Variants in STAM2 observed in about 807,000 individuals in gnomAD.
The protein encoded by STAM2 is signal transducing adaptor molecule 2.
In STAM2, 51 loss-of-function variants were observed where a neutral mutation model predicts 65.6. The observed-to-expected ratio is 0.78, with a 90% CI of 0.62 to 0.98. STAM2 has a LOEUF of 0.98. STAM2 is among the 50% of genes least tolerant of loss of function. The pLI is 0.00. For synonymous variants in STAM2, 198 were observed against 208.4 expected, an observed-to-expected ratio of 0.95 and a Z score of 0.43; for missense variants, 584 against 617.8, an observed-to-expected ratio of 0.95 and a Z score of 0.58.
At chr2:152,159,093 C>CCA (rs1689607953) in intron 1 of STAM2, among the ~76,000 whole-genome samples, 1 of 59,698 alleles carries the variant, frequency 1.7e-5, no homozygotes, top group African/African-American at 1.2e-4. Flanking sequence ...CAAAAAAAAA[C>CCA]CATATATATA....
At chr2:152,161,885 C>T (rs1420128093) in intron 1 of STAM2, among the ~76,000 whole-genome samples, 2 of 151,860 alleles carry the variant, frequency 1.3e-5, no homozygotes, top group Non-Finnish European at 1.5e-5. Context: ...TGAAATGGCA[C>T]GATCTTGGCT....
chr2:152,174,579 T>G (rs1689974343), intron 1 of STAM2, among the ~76,000 whole-genome samples: 1 of 152,244 alleles, frequency 6.6e-6, no homozygotes, highest in South Asian at 2.1e-4. Context: ...AACCAAATGT[T>G]AACTATGAAA....
At chr2:152,160,862 C>T (rs1309936580) in intron 1 of STAM2, among the ~76,000 whole-genome samples, 1 of 147,346 alleles carries the variant, frequency 6.8e-6, no homozygotes, top group Non-Finnish European at 1.5e-5. Flanking sequence ...CCGCCCCGTC[C>T]GGGAGGGAGG....
intron 10 of STAM2, among the ~76,000 whole-genome samples, chr2:152,132,808 T>A (rs951158668): frequency 6.6e-6 from 1 of 152,158 alleles, no homozygotes; most frequent in African/African-American, 2.4e-5. Context: ...TTAACAATTA[T>A]CATGTATAAT....
intron 1 of STAM2, among the ~76,000 whole-genome samples, chr2:152,154,583 A>G (rs905588291): frequency 6.6e-6 from 1 of 152,142 alleles, no homozygotes; most frequent in Non-Finnish European, 1.5e-5. Context: ...GCACCACTGC[A>G]CTCCAACGTG....
At chr2:152,171,575 G>T (rs1689899428) in intron 1 of STAM2, among the ~76,000 whole-genome samples, 1 of 152,208 alleles carries the variant, frequency 6.6e-6, no homozygotes, top group Non-Finnish European at 1.5e-5. Flanking sequence ...CTGGAGAAAA[G>T]GACTGCATGA....
Position 152,150,519 on chromosome 2 carries a change from C to T in STAM2, c.41-290G>A, listed in dbSNP as rs79442885. Among the ~76,000 whole-genome samples, 1,265 of 152,290 alleles carry T rather than the reference C, an allele frequency of 8.3e-3. 25 individuals carry two copies. Among genetic ancestry groups the T allele is most frequent in the African/African-American group, 0.029 (1,207 of 41,560 alleles). The stretch of plus-strand genomic sequence containing the variant: ...AAGAAAGTTTTAAAGATGTATAATC[C>T]AGGCCGGGCATGGTGGCTCATGCCT... On this transcript the variant is annotated intron_variant, in intron 1 of 13. Transcript: ENST00000263904.
intron 8 of STAM2, among the ~76,000 whole-genome samples, 189 bp from the exon 9 acceptor site, chr2:152,133,673 T>G (rs1359944068): frequency 6.6e-6 from 1 of 152,202 alleles, no homozygotes; most frequent in Non-Finnish European, 1.5e-5. Flanking sequence ...AAACATTTAT[T>G]TAGTACTCAT....
chr2:152,135,767 G>A (rs1449654559), intron 7 of STAM2, among the ~76,000 whole-genome samples, 164 bp from the exon 8 acceptor site: 1 of 152,142 alleles, frequency 6.6e-6, no homozygotes, highest in East Asian at 1.9e-4. Flanking sequence ...AAAAGTACAA[G>A]TAAAACAAAT....
intron 7 of STAM2, among the ~76,000 whole-genome samples, chr2:152,139,246 C>A (rs1004882330): frequency 3.3e-5 from 5 of 152,076 alleles, no homozygotes; most frequent in Admixed American, 1.3e-4. Flanking sequence ...TAAATCACAA[C>A]TGAGTGAAAA....
intron 1 of STAM2, among the ~76,000 whole-genome samples, chr2:152,168,448 G>A (rs546299570): frequency 9.2e-4 from 139 of 151,854 alleles, no homozygotes; most frequent in Non-Finnish European, 1.7e-3. Flanking sequence ...ATGAGCCACC[G>A]CGCCCAGCCA....
At chr2:152,137,181 C>A (rs1233221311) in intron 7 of STAM2, among the ~76,000 whole-genome samples, 1 of 152,100 alleles carries the variant, frequency 6.6e-6, no homozygotes, top group African/African-American at 2.4e-5. Context: ...AGCCACCGCA[C>A]CCGGCCATAA....
At chr2:152,128,136 G>T (rs1287277722) in intron 11 of STAM2, among the ~76,000 whole-genome samples, 1 of 152,148 alleles carries the variant, frequency 6.6e-6, no homozygotes, top group East Asian at 1.9e-4. Flanking sequence ...GGCCGGGCGC[G>T]GTGGCTTATG....
rs144870138 is a variant in STAM2, at chr2:152,125,691, T to C, written c.1179+535A>G. On this transcript the variant is annotated intron_variant, in intron 12 of 13. Transcript: ENST00000263904. Reference sequence around the variant, plus strand: ...TTTGCTATGCACAGATTTTTAACAATGTAAGTCATGCAGCTAAGTAAAGGA... The same window carrying C: ...TTTGCTATGCACAGATTTTTAACAACGTAAGTCATGCAGCTAAGTAAAGGA... Among the ~76,000 whole-genome samples the C allele has an allele frequency of 2.1e-3, 316 of 152,306 alleles. 1 individual carries two copies. Among genetic ancestry groups the C allele is most frequent in the African/African-American group, 6.8e-3 (281 of 41,582 alleles).
chr2:152,144,845 GAT>G (rs142275525), intron 6 of STAM2, 41 bp downstream of exon 6: 351,837 of 1,573,502 alleles, frequency 0.22, 40,544 homozygotes, highest in Admixed American at 0.33. Flanking sequence ...CCCTGGCAAA[GAT>G]ATTTTAAGCA....
chr2:152,173,980 G>C (rs1243403814), intron 1 of STAM2, among the ~76,000 whole-genome samples: 1 of 152,100 alleles, frequency 6.6e-6, no homozygotes, highest in Non-Finnish European at 1.5e-5. Flanking sequence ...TCTAGACACA[G>C]TTTTTTTGTT....
chr2:152,126,884 T>C (rs1688972821), intron 11 of STAM2, among the ~76,000 whole-genome samples: 2 of 152,182 alleles, frequency 1.3e-5, no homozygotes, highest in African/African-American at 4.8e-5. Flanking sequence ...GAAATATAAC[T>C]TTGTAACTTC....
intron 1 of STAM2, among the ~76,000 whole-genome samples, chr2:152,158,690 C>T (rs186666693): frequency 6.6e-6 from 1 of 152,106 alleles, no homozygotes; most frequent in East Asian, 1.9e-4. Context: ...CTGGGTAGTT[C>T]GTAAAGAACA....
intron 12 of STAM2, chr2:152,124,771 C>A (rs1165122445): frequency 6.6e-6 from 1 of 152,142 alleles, no homozygotes; most frequent in African/African-American, 2.4e-5. Context: ...AATCACATTA[C>A]CTCCTTAGTA....
Sources: allele counts gnomAD v4.1 joint callset (sites outside exome capture counted in the v4.1 genomes callset), GRCh38; gene constraint gnomAD v4.1.1; transcripts MANE v1.5; gene names NCBI Gene and HGNC (gene_info 2026-07-23, HGNC 2026-07-21).